The following DNMT1 variants were observed in gnomAD, a reference collection of about 807,000 sequenced individuals.
The protein encoded by DNMT1 is DNA methyltransferase 1.
Under a neutral mutation model 205.3 loss-of-function variants are expected in DNMT1, and 24 were observed. That is an observed-to-expected ratio of 0.12 (90% CI 0.08 to 0.16). The LOEUF is 0.16. Among genes scored for constraint, DNMT1 ranks in the 10% least tolerant of loss-of-function variants. The pLI, the probability that DNMT1 is intolerant of heterozygous loss-of-function variation, is 1.00. For missense variants in DNMT1, 1,293 were observed against 2,177.7 expected (o/e 0.59, Z 8.09); for synonymous variants, 817 against 839.8 (o/e 0.97, Z 0.47).
chr19:10,163,378 G>C lies in DNMT1; in HGVS notation c.892-18C>G. 1 of 1,613,424 alleles carries C rather than the reference G, an allele frequency of 6.2e-7. No homozygotes were observed. Among genetic ancestry groups the C allele is most frequent in the Non-Finnish European group, 8.5e-7 (1 of 1,179,538 alleles). On this transcript the variant is annotated intron_variant, in intron 11 of 40. Coordinates refer to ENST00000359526, the MANE Select transcript of DNMT1 (RefSeq NM_001130823.3). ...TTCTCATCCTGACAGAAAAATAAGG[G>C]GGAGGTAGAGAGATAAAGAAGGGAA...
Position 10,155,982 on chromosome 19 carries a change from C to T in DNMT1, c.1400-37G>A. The T allele has an allele frequency of 2.5e-6, 4 of 1,599,438 alleles. No homozygotes were observed. In the East Asian group the frequency reaches 9.0e-5, roughly 36 times the overall value. On this transcript the variant is annotated intron_variant, in intron 18 of 40. Transcript: ENST00000359526. ...AAAGGAAATGGACTAAAGGCTCTGA[C>T]TCACATCCCAAACCCAGGAGGCGCT... is the stretch of plus-strand genomic sequence containing the variant.
In DNMT1 at chr19:10,139,458, A is replaced by C. The variant is rs148561427; in HGVS notation, c.3948+218T>G. Among the ~76,000 whole-genome samples the C allele has an allele frequency of 2.4e-3, 359 of 152,378 alleles. 1 individual carries two copies. Among genetic ancestry groups the C allele is most frequent in the African/African-American group, 8.4e-3 (348 of 41,588 alleles). ...TAGCCAGCCCTCCCAGGCATGTTCG[A>C]GAACACAGCTCAAGAGACACTAGCG... is the stretch of plus-strand genomic sequence containing the variant. On this transcript the variant is annotated intron_variant, in intron 34 of 40. Transcript: ENST00000359526.
intron 24 of DNMT1, among the ~76,000 whole-genome samples, chr19:10,150,300 CCT>C (rs1204341386): frequency 6.6e-6 from 1 of 152,364 alleles, no homozygotes; most frequent in East Asian, 1.9e-4. Context: ...AACCCTGACC[CCT>C]GTCCTGCCCA....
chr19:10,168,437 G>C, intron 9 of DNMT1, 73 bp from the exon 10 acceptor site: 2 of 1,482,158 alleles, frequency 1.3e-6, no homozygotes, highest in Middle Eastern at 1.7e-4. Flanking sequence ...GTGTCCTATG[G>C]AAATAAAACA....
At chr19:10,172,640 A>G (rs1008669120) in intron 9 of DNMT1, among the ~76,000 whole-genome samples, 1 of 151,948 alleles carries the variant, frequency 6.6e-6, no homozygotes, top group South Asian at 2.1e-4. Flanking sequence ...CCTGGCCAAC[A>G]CAGTGAAACC....
chr19:10,164,688 G>A (rs2038646597), intron 11 of DNMT1, among the ~76,000 whole-genome samples: 1 of 152,002 alleles, frequency 6.6e-6, no homozygotes, highest in Non-Finnish European at 1.5e-5. Flanking sequence ...AGCACCTTGG[G>A]AGGCTGAGGC....
At position 10,134,199 on chromosome 19, in the gene DNMT1, T is replaced by C. The variant is rs1412721323; in HGVS notation, c.4864+18A>G. 2.5e-6 allele frequency: 4 copies of C among 1,614,076 alleles called. No homozygotes were observed. In the Admixed American group the frequency reaches 5.0e-5, roughly 20 times the overall value. On this transcript the variant is annotated intron_variant, in intron 40 of 40. Coordinates refer to ENST00000359526, the MANE Select transcript of DNMT1 (RefSeq NM_001130823.3). Reference sequence around the variant, plus strand: ...GGGCAGTCAGGCCCCAGAGGAAGCCTGGCCCACCCCACCATACCTGAGGCA... The same window carrying C: ...GGGCAGTCAGGCCCCAGAGGAAGCCCGGCCCACCCCACCATACCTGAGGCA...
intron 7 of DNMT1, among the ~76,000 whole-genome samples, chr19:10,174,515 G>A (rs1335224898): frequency 6.6e-6 from 1 of 151,872 alleles, no homozygotes; most frequent in African/African-American, 2.4e-5. Flanking sequence ...AGACCAGCCT[G>A]GCCAACACAG....
Position 10,136,271 on chromosome 19 carries a change from G to A in DNMT1, c.4506C>T (p.Asp1502=), listed in dbSNP as rs745595922. 6.2e-7 allele frequency: 1 copy of A among 1,614,098 alleles called. No homozygotes were observed. Among genetic ancestry groups the A allele is most frequent in the Non-Finnish European group, 8.5e-7 (1 of 1,180,040 alleles). ...CSCVEAGKAC[D]PAARQFNTLI... is the part of the protein sequence containing the mutation. ...GGGTGTTGAACTGCCTGGCTGCGGG[G>A]TCGCAGGCTTTGCCGGCTGGAAGAC... is the stretch of plus-strand genomic sequence containing the variant. Residue 1502 remains aspartate (D), a synonymous_variant, in exon 38 of 41, where the codon GAC becomes GAT. Transcript: ENST00000359526.
At chr19:10,194,670 G>C (rs1396136588) in intron 1 of DNMT1, 150 bp downstream of exon 1, 2 of 1,129,450 alleles carry the variant, frequency 1.8e-6, no homozygotes, top group East Asian at 6.3e-5. Context: ...GTGCCACCCT[G>C]CCCGCGCCAA....
At chr19:10,147,102 T>A (rs1162039444) in intron 27 of DNMT1, among the ~76,000 whole-genome samples, 3 of 151,744 alleles carry the variant, frequency 2.0e-5, no homozygotes, top group Admixed American at 6.6e-5. Flanking sequence ...CTACAAAAAA[T>A]TTTTAAAACA....
At chr19:10,157,479 C>G (rs1241326400) in intron 17 of DNMT1, among the ~76,000 whole-genome samples, 3 of 152,130 alleles carry the variant, frequency 2.0e-5, no homozygotes, top group African/African-American at 7.2e-5. Context: ...GGCAAGATGT[C>G]AAACTCAAGG....
At position 10,140,349 on chromosome 19, in the gene DNMT1, C is replaced by A. The variant is rs937494687; in HGVS notation, c.3524-21G>T. The A allele has an allele frequency of 6.2e-7, 1 of 1,613,034 alleles. No homozygotes were observed. Among genetic ancestry groups the A allele is most frequent in the Non-Finnish European group, 8.5e-7 (1 of 1,179,972 alleles). On this transcript the variant is annotated intron_variant, in intron 32 of 40. Transcript: ENST00000359526. This position sits in a 1 kb window ranked among gnomAD's most constrained non-coding sequence, Gnocchi z 8.4. The stretch of plus-strand genomic sequence containing the variant: ...GATGCCTGGCAGATCAAGCACGAAG[C>A]CATGCTTTCAACTCTCCAGAAGATT...
chr19:10,133,584 G>A lies in DNMT1; in HGVS notation c.*83C>T. On this transcript the variant is annotated 3_prime_UTR_variant, in exon 41 of 41. Coordinates refer to ENST00000359526, the MANE Select transcript of DNMT1 (RefSeq NM_001130823.3). This position sits in a 1 kb window ranked among gnomAD's most constrained non-coding sequence, Gnocchi z 4.1. ...ACACCATGTACCACACATGTGAACG[G>A]ACAGATTGACATGTTAAAAACACAA... 6.7e-7 allele frequency: 1 copy of A among 1,482,026 alleles called. No individual in the cohort carries two copies. Among genetic ancestry groups the A allele is most frequent in the Non-Finnish European group, 9.2e-7 (1 of 1,083,436 alleles). 91.8% of individuals were successfully genotyped at this position (1,482,026 alleles called of 1,614,324 possible). A position where few individuals can be genotyped will look rare whatever the true frequency, so the allele number is the denominator to read the frequency against.
chr19:10,166,433 C>G (rs2038694286), intron 11 of DNMT1, among the ~76,000 whole-genome samples, 165 bp downstream of exon 11: 1 of 152,094 alleles, frequency 6.6e-6, no homozygotes, highest in African/African-American at 2.4e-5. Context: ...AAATCCCGGC[C>G]CCCAAAAGGA....
chr19:10,172,692 G>A lies in DNMT1; in HGVS notation c.768+398C>T, dbSNP rs566705822. Among the ~76,000 whole-genome samples the A allele has an allele frequency of 3.3e-5, 5 of 151,978 alleles. No individual in the cohort carries two copies. The South Asian group carries it at 8.3e-4, about 25-fold the overall frequency. On this transcript the variant is annotated intron_variant, in intron 9 of 40. Transcript: ENST00000359526. ...TAGCCGAGTATGGCGGCGGGCGCCT[G>A]TAGTCCCAGTGACTCAAGAGGCTGG... is the stretch of plus-strand genomic sequence containing the variant.
Position 10,146,768 on chromosome 19 carries a change from C to A in DNMT1, c.2721-244G>T, listed in dbSNP as rs534211626. On this transcript the variant is annotated intron_variant, in intron 27 of 40. Coordinates refer to ENST00000359526, the MANE Select transcript of DNMT1 (RefSeq NM_001130823.3). The surrounding 1 kb of genome is among the most constrained non-coding windows in gnomAD (Gnocchi z 4.4). ...ACTTTTGAGTCATTGAGACAAAAAC[C>A]CTAAGATATCAATGAACAGGGTCTA... 6.6e-6 allele frequency among the ~76,000 whole-genome samples: 1 copy of A among 152,138 alleles called. No individual in the cohort carries two copies. The highest frequency in any genetic ancestry group is 2.1e-4 in the South Asian group (1 of 4,812).
In DNMT1 at chr19:10,166,640, C is replaced by T. The variant is rs2038699682; in HGVS notation, c.849G>A (p.Arg283=). 1.2e-6 allele frequency: 2 copies of T among 1,614,078 alleles called. No homozygotes were observed. The highest frequency in any genetic ancestry group is 1.7e-6 in the Non-Finnish European group (2 of 1,180,038). ...KLKEEPDREA[R]AGVQADEDED... ...CGTCCTCGTCAGCCTGCACGCCTGC[C>T]CTGGCTTCTCTGTCCGGCTCCTCCT... The change falls in exon 11 of 41, where the codon AGG becomes AGA. Residue 283 remains arginine (R), a synonymous_variant. Coordinates refer to ENST00000359526, the MANE Select transcript of DNMT1 (RefSeq NM_001130823.3).
chr19:10,167,541 C>T (rs138425257), intron 10 of DNMT1, among the ~76,000 whole-genome samples: 12 of 152,306 alleles, frequency 7.9e-5, no homozygotes, highest in African/African-American at 2.4e-4. Context: ...CTTTTCATTT[C>T]TGCCCTTGTG....
Sources: allele counts gnomAD v4.1 joint callset (sites outside exome capture counted in the v4.1 genomes callset), GRCh38; gene constraint gnomAD v4.1.1; non-coding constraint Gnocchi (gnomAD v3.1); transcripts MANE v1.5; gene names NCBI Gene and HGNC (gene_info 2026-07-23, HGNC 2026-07-21).